The following LRP1B variants were observed in gnomAD, a reference collection of about 807,000 sequenced individuals.
The protein encoded by LRP1B is LDL receptor related protein 1B, also known as low-density lipoprotein receptor-related protein 1B.
LRP1B carries 217 observed loss-of-function variants against 556.6 expected under a neutral mutation model. That is an observed-to-expected ratio of 0.39 (90% CI 0.35 to 0.44). The LOEUF (loss-of-function observed/expected upper bound fraction) is 0.44. Among genes scored for constraint, LRP1B ranks in the 20% least tolerant of loss-of-function variants. The pLI, the probability that LRP1B is intolerant of heterozygous loss-of-function variation, is 1.00. For missense variants in LRP1B, 5,053 were observed against 5,620.8 expected (o/e 0.90, Z 3.23); for synonymous variants, 2,047 against 1,865.8 (o/e 1.10, Z -2.50).
chr2:140,708,105 A>C (rs1360968801), intron 37 of LRP1B, among the ~76,000 whole-genome samples: 1 of 152,092 alleles, frequency 6.6e-6, no homozygotes, highest in African/African-American at 2.4e-5. Flanking sequence ...GCAGAGGCAA[A>C]TGGGTAAATT....
intron 6 of LRP1B, among the ~76,000 whole-genome samples, chr2:141,204,426 C>A (rs1340868624): frequency 6.6e-6 from 1 of 150,506 alleles, no homozygotes; most frequent in Non-Finnish European, 1.5e-5. Context: ...GATGGTCCTG[C>A]AATGGCCAGT....
intron 1 of LRP1B, among the ~76,000 whole-genome samples, chr2:142,061,449 A>G (rs965706981): frequency 6.6e-6 from 1 of 152,036 alleles, no homozygotes; most frequent in Non-Finnish European, 1.5e-5. Context: ...AGGGAATACA[A>G]TAAAGTATTA....
chr2:141,113,885 T>C (rs569174014), intron 7 of LRP1B, among the ~76,000 whole-genome samples: 18 of 152,330 alleles, frequency 1.2e-4, no homozygotes, highest in African/African-American at 4.1e-4. Flanking sequence ...GATACAGTAA[T>C]ATAAATGAAA....
intron 7 of LRP1B, among the ~76,000 whole-genome samples, chr2:141,127,091 T>C (rs990625694): frequency 5.9e-5 from 9 of 151,880 alleles, no homozygotes; most frequent in Non-Finnish European, 1.3e-4. Flanking sequence ...CTCTCACTTA[T>C]GAGTGAGAAC....
At chr2:141,640,702 G>A (rs1299047875) in intron 2 of LRP1B, among the ~76,000 whole-genome samples, 1 of 152,182 alleles carries the variant, frequency 6.6e-6, no homozygotes, top group Non-Finnish European at 1.5e-5. Context: ...GCTGAGGAGT[G>A]AGAATTTCTT....
chr2:141,842,178 T>G (rs918766676), intron 1 of LRP1B, among the ~76,000 whole-genome samples: 1 of 152,128 alleles, frequency 6.6e-6, no homozygotes, highest in Non-Finnish European at 1.5e-5. Flanking sequence ...GACTTTGGTT[T>G]TTGTATCCTT....
chr2:141,121,650 A>G (rs1701051552), intron 7 of LRP1B, among the ~76,000 whole-genome samples: 1 of 152,154 alleles, frequency 6.6e-6, no homozygotes, highest in African/African-American at 2.4e-5. Flanking sequence ...GGAAGAATCA[A>G]TATCGTGAAA....
At chr2:142,096,508 T>G (rs538748799) in intron 1 of LRP1B, among the ~76,000 whole-genome samples, 1 of 151,490 alleles carries the variant, frequency 6.6e-6, no homozygotes, top group Non-Finnish European at 1.5e-5. Flanking sequence ...TTTACCTTTA[T>G]GGTGAATCTA....
At chr2:141,544,303 T>TCTTCTTCTTCTTCTTCTTCTTCTTCTTTC in intron 2 of LRP1B, among the ~76,000 whole-genome samples, 1 of 7,384 alleles carries the variant, frequency 1.4e-4, no homozygotes, top group Non-Finnish European at 2.5e-4. Flanking sequence ...CCACTCTTCT[T>TCTTCTTCTTCTTCTTCTTCTTCTTCTTTC]CTTCTTCTTC....
intron 1 of LRP1B, among the ~76,000 whole-genome samples, chr2:142,035,629 G>A (rs1703850411): frequency 6.6e-6 from 1 of 151,596 alleles, no homozygotes; most frequent in South Asian, 2.1e-4. Flanking sequence ...TCCTTTTGGT[G>A]TAATTCACGG....
At chr2:142,034,054 A>T (rs967440778) in intron 1 of LRP1B, among the ~76,000 whole-genome samples, 5 of 151,674 alleles carry the variant, frequency 3.3e-5, no homozygotes, top group African/African-American at 1.2e-4. Context: ...CCTCATTTAC[A>T]TTGCATTTCC....
chr2:140,660,094 A>T (rs76218818), intron 41 of LRP1B, among the ~76,000 whole-genome samples: 11,764 of 151,996 alleles, frequency 0.077, 568 homozygotes, highest in African/African-American at 0.13. Flanking sequence ...TATTATTAGA[A>T]ATCCCTTACA....
At position 140,475,353 on chromosome 2, in the gene LRP1B, A is replaced by C; in HGVS notation, c.9426-16T>G. 3 of 1,543,746 alleles carry C rather than the reference A, an allele frequency of 1.9e-6. No homozygotes were observed. Among genetic ancestry groups the C allele is most frequent in the African/African-American group, 1.4e-5 (1 of 73,034 alleles). ...ATACAAATATCTAGGAAAGAAAATCAATACTGATTTTGTTTACAGATTCTC... is the reference window on the plus strand; with the variant it reads ...ATACAAATATCTAGGAAAGAAAATCCATACTGATTTTGTTTACAGATTCTC... On this transcript the variant is annotated splice_polypyrimidine_tract_variant and intron_variant, in intron 59 of 90. Transcript: ENST00000389484.
At chr2:142,060,147 T>C (rs12621782) in intron 1 of LRP1B, among the ~76,000 whole-genome samples, 65,602 of 151,896 alleles carry the variant, frequency 0.43, 16,096 homozygotes, top group East Asian at 0.68. Flanking sequence ...AAGAAGACAT[T>C]TTCTACAAAG....
intron 1 of LRP1B, among the ~76,000 whole-genome samples, chr2:142,076,329 C>T (rs1195102087): frequency 6.6e-6 from 1 of 152,080 alleles, no homozygotes; most frequent in Non-Finnish European, 1.5e-5. Flanking sequence ...ACTATTCACA[C>T]CAACAGCATC....
chr2:141,257,026 AAG>A (rs1684490761), intron 3 of LRP1B, among the ~76,000 whole-genome samples: 1 of 152,078 alleles, frequency 6.6e-6, no homozygotes, highest in South Asian at 2.1e-4. Flanking sequence ...TACATAAGTG[AAG>A]AACCTAGAAA....
chr2:140,668,395 G>A (rs1416702304), intron 41 of LRP1B, among the ~76,000 whole-genome samples: 2 of 141,528 alleles, frequency 1.4e-5, no homozygotes, highest in Non-Finnish European at 3.0e-5. Flanking sequence ...GTATTACTTC[G>A]GTCATTTTTT....
intron 2 of LRP1B, among the ~76,000 whole-genome samples, chr2:141,760,002 G>A (rs946696418): frequency 2.0e-5 from 3 of 152,062 alleles, no homozygotes; most frequent in Admixed American, 6.6e-5. Context: ...GGTTGCGTGC[G>A]TCTATAATCC....
At position 141,801,118 on chromosome 2, in the gene LRP1B, G is replaced by A. The variant is rs115949439; in HGVS notation, c.205+9161C>T. Among the ~76,000 whole-genome samples the A allele has an allele frequency of 5.3e-3, 808 of 152,040 alleles. 8 individuals are homozygous for A. Among genetic ancestry groups the A allele is most frequent in the African/African-American group, 0.019 (779 of 41,486 alleles). ...GGCTTTATTGCCTAACCCAATGATC[G>A]ATTCAGAATTGAAAATTACAATAAT... On this transcript the variant is annotated intron_variant, in intron 2 of 90. Coordinates refer to ENST00000389484, the MANE Select transcript of LRP1B (RefSeq NM_018557.3).
Sources: allele counts gnomAD v4.1 joint callset (sites outside exome capture counted in the v4.1 genomes callset), GRCh38; gene constraint gnomAD v4.1.1; transcripts MANE v1.5; gene names NCBI Gene and HGNC (gene_info 2026-07-23, HGNC 2026-07-21).